The following SKAP2 variants were observed in gnomAD, a reference collection of about 807,000 sequenced individuals.
SKAP2 encodes the protein src kinase associated phosphoprotein 2, also known as src kinase-associated phosphoprotein 2.
Under a neutral mutation model 54.9 loss-of-function variants are expected in SKAP2, and 28 were observed. The ratio of observed to expected loss-of-function variants is 0.51; its 90% confidence interval spans 0.38 to 0.70. The LOEUF (loss-of-function observed/expected upper bound fraction) is 0.70. Among genes scored for constraint, SKAP2 ranks in the 30% least tolerant of loss-of-function variants. The pLI, the probability that SKAP2 is intolerant of heterozygous loss-of-function variation, is 0.00. For missense variants in SKAP2, 356 were observed against 424.1 expected, an observed-to-expected ratio of 0.84 and a Z score of 1.41; for synonymous variants, 137 against 134.3, an observed-to-expected ratio of 1.02 and a Z score of -0.14.
chr7:26,772,568 T>C (rs148075804), intron 4 of SKAP2, among the ~76,000 whole-genome samples: 8 of 152,360 alleles, frequency 5.3e-5, no homozygotes, highest in African/African-American at 1.9e-4. Flanking sequence ...ATATCATTTT[T>C]TATGGCTGCA....
At chr7:26,727,051 A>T (rs370807589) in intron 6 of SKAP2, 45 bp from the exon 7 acceptor site, 2 of 1,434,832 alleles carry the variant, frequency 1.4e-6, no homozygotes, top group Non-Finnish European at 1.9e-6. Context: ...CTAAGTATTA[A>T]TGCTCAATTA....
At chr7:26,747,234 G>A (rs1460219048) in intron 4 of SKAP2, among the ~76,000 whole-genome samples, 6 of 152,120 alleles carry the variant, frequency 3.9e-5, no homozygotes, top group African/African-American at 7.2e-5. Context: ...TAGTACTGGC[G>A]ATCTCTAAGC....
At chr7:26,715,990 T>C (rs1406638222) in intron 9 of SKAP2, among the ~76,000 whole-genome samples, 1 of 152,228 alleles carries the variant, frequency 6.6e-6, no homozygotes, top group Non-Finnish European at 1.5e-5. Context: ...TAATTAAATT[T>C]AATTGTAGTT....
At chr7:26,756,711 A>G (rs371738853) in intron 4 of SKAP2, among the ~76,000 whole-genome samples, 5 of 152,092 alleles carry the variant, frequency 3.3e-5, no homozygotes, top group Admixed American at 6.6e-5. Flanking sequence ...GGGATGGCTG[A>G]GTCAAATGGT....
intron 4 of SKAP2, among the ~76,000 whole-genome samples, chr7:26,813,494 A>T (rs1253669025): frequency 6.6e-6 from 1 of 152,184 alleles, no homozygotes; most frequent in East Asian, 1.9e-4. Flanking sequence ...ACCACCACAA[A>T]AGGAAAACCT....
intron 6 of SKAP2, among the ~76,000 whole-genome samples, chr7:26,736,421 C>G (rs1407645885): frequency 9.1e-6 from 1 of 109,552 alleles, no homozygotes; most frequent in African/African-American, 3.7e-5. Context: ...AGGAAGTTAC[C>G]CTATATGGCT....
At chr7:26,826,838 T>C (rs1384407928) in intron 4 of SKAP2, among the ~76,000 whole-genome samples, 4 of 152,204 alleles carry the variant, frequency 2.6e-5, no homozygotes, top group Non-Finnish European at 5.9e-5. Flanking sequence ...GTAAAATCTA[T>C]TGAAATAAAC....
At chr7:26,709,276 A>G (rs1031425838) in intron 9 of SKAP2, among the ~76,000 whole-genome samples, 1 of 152,226 alleles carries the variant, frequency 6.6e-6, no homozygotes, top group African/African-American at 2.4e-5. Context: ...GCTATCTGGT[A>G]TATGAGAGAG....
In SKAP2 at chr7:26,694,365, A is replaced by G; in HGVS notation, c.797-4003T>C. ...ACCTGGAAGCTTCTTGCAAATAAGC[A>G]GCTTGTATTTACATGCCTCTCAGCT... On this transcript the variant is annotated intron_variant, in intron 9 of 12. Coordinates refer to ENST00000345317, the MANE Select transcript of SKAP2 (RefSeq NM_003930.5). Among the ~76,000 whole-genome samples the G allele has an allele frequency of 1.3e-5, 2 of 152,194 alleles. 1 individual carries two copies.
intron 9 of SKAP2, among the ~76,000 whole-genome samples, chr7:26,720,705 A>G (rs1036879988): frequency 6.6e-6 from 1 of 152,194 alleles, no homozygotes; most frequent in African/African-American, 2.4e-5. Context: ...GTCCTTCTTC[A>G]CATGGCAGCA....
chr7:26,732,987 C>T (rs1787852339), intron 6 of SKAP2, among the ~76,000 whole-genome samples: 2 of 152,082 alleles, frequency 1.3e-5, no homozygotes, highest in South Asian at 4.1e-4. Flanking sequence ...AAAATAAAGG[C>T]ATAGCTTTAA....
At chr7:26,782,916 A>G (rs1005177302) in intron 4 of SKAP2, among the ~76,000 whole-genome samples, 7 of 152,202 alleles carry the variant, frequency 4.6e-5, no homozygotes, top group Non-Finnish European at 7.3e-5. Context: ...TCTGTTGATT[A>G]TAAGTTACCC....
chr7:26,831,167 T>C (rs550108697), intron 4 of SKAP2, among the ~76,000 whole-genome samples: 2 of 152,294 alleles, frequency 1.3e-5, no homozygotes, highest in Non-Finnish European at 2.9e-5. Flanking sequence ...ATCAAGCTCA[T>C]GTATCAAACA....
chr7:26,782,324 G>C (rs1306096480), intron 4 of SKAP2, among the ~76,000 whole-genome samples: 1 of 152,150 alleles, frequency 6.6e-6, no homozygotes, highest in Admixed American at 6.5e-5. Context: ...CAGATGTAAA[G>C]CTACATCAAT....
intron 4 of SKAP2, among the ~76,000 whole-genome samples, chr7:26,811,752 C>A (rs1361345417): frequency 6.6e-6 from 1 of 152,128 alleles, no homozygotes; most frequent in Non-Finnish European, 1.5e-5. Context: ...AAGAAAAGGG[C>A]ACTTAGTAGT....
chr7:26,743,888 A>G (rs1220327179), intron 4 of SKAP2, among the ~76,000 whole-genome samples: 1 of 152,146 alleles, frequency 6.6e-6, no homozygotes, highest in Non-Finnish European at 1.5e-5. Flanking sequence ...GTGAAATCCA[A>G]ATTTCCCTAT....
rs1003140327 is a variant in SKAP2 at position 26,751,760 on chromosome 7, T to G, written c.308-11796A>C. Among the ~76,000 whole-genome samples, 4 of 152,250 alleles carry G rather than the reference T, an allele frequency of 2.6e-5. No homozygotes were observed. The East Asian group carries it at 7.7e-4, about 29-fold the overall frequency. On this transcript the variant is annotated intron_variant, in intron 4 of 12. Coordinates refer to ENST00000345317, the MANE Select transcript of SKAP2 (RefSeq NM_003930.5). ...TTCATACATTCTTATCTATTATTAT[T>G]GTTAATTTAGTAATATACTGCCTCC... is the stretch of plus-strand genomic sequence containing the variant.
intron 4 of SKAP2, among the ~76,000 whole-genome samples, chr7:26,762,899 A>C (rs551722047): frequency 1.3e-5 from 2 of 152,234 alleles, no homozygotes; most frequent in African/African-American, 2.4e-5. Context: ...TTACATGTAT[A>C]GCCAGAGAAC....
intron 7 of SKAP2, among the ~76,000 whole-genome samples, chr7:26,726,323 T>A (rs1009956554): frequency 3.3e-5 from 5 of 152,168 alleles, no homozygotes; most frequent in African/African-American, 9.6e-5. Context: ...CACACAGTTT[T>A]CTTAAAAATG....
Sources: gnomAD v4.1 joint callset for allele counts (sites outside exome capture counted in the v4.1 genomes callset) on GRCh38, gnomAD v4.1.1 for gene constraint, MANE v1.5 for transcripts, NCBI Gene and HGNC (gene_info 2026-07-23, HGNC 2026-07-21) for gene names.